The following SLC4A4 variants were observed in gnomAD, a reference collection of about 807,000 sequenced individuals.
The protein encoded by SLC4A4 is solute carrier family 4 member 4.
Under a neutral mutation model 111.5 loss-of-function variants are expected in SLC4A4, and 27 were observed. The ratio of observed to expected loss-of-function variants is 0.24; its 90% CI spans 0.18 to 0.33. The LOEUF (loss-of-function observed/expected upper bound fraction) is 0.33. Among genes scored for constraint, SLC4A4 ranks in the 10% least tolerant of loss-of-function variants. SLC4A4 has a pLI of 1.00. For missense variants in SLC4A4, 909 were observed against 1,315.5 expected, an observed-to-expected ratio of 0.69 and a Z score of 4.78; for synonymous variants, 443 against 463.4, an observed-to-expected ratio of 0.96 and a Z score of 0.57.
At chr4:71,229,248 T>C (rs955811050) in intron 1 of SLC4A4, among the ~76,000 whole-genome samples, 15 of 152,198 alleles carry the variant, frequency 9.9e-5, no homozygotes, top group Admixed American at 7.9e-4. Context: ...TTGTTCATTT[T>C]TCTTGCTAAG....
At chr4:71,218,480 G>T (rs967710155) in intron 1 of SLC4A4, among the ~76,000 whole-genome samples, 1 of 152,110 alleles carries the variant, frequency 6.6e-6, no homozygotes, top group Non-Finnish European at 1.5e-5. Flanking sequence ...AACTCAAAAT[G>T]TATTTCACTG....
chr4:71,285,129 C>T (rs1723808230), intron 3 of SLC4A4, among the ~76,000 whole-genome samples: 1 of 152,180 alleles, frequency 6.6e-6, no homozygotes, highest in African/African-American at 2.4e-5. Context: ...TTATGTGCTC[C>T]ATGGTGACCA....
chr4:71,074,062 G>A (rs950519253), intron 1 of SLC4A4, among the ~76,000 whole-genome samples: 9 of 152,132 alleles, frequency 5.9e-5, no homozygotes, highest in African/African-American at 2.2e-4. Flanking sequence ...CAGGAAAGGT[G>A]CTACTATAAG....
chr4:71,405,461 C>T (rs905992099), intron 7 of SLC4A4, among the ~76,000 whole-genome samples: 6 of 151,918 alleles, frequency 3.9e-5, no homozygotes, highest in Admixed American at 1.3e-4. Context: ...ATATATGAAT[C>T]GTATTTTATT....
intron 2 of SLC4A4, among the ~76,000 whole-genome samples, chr4:71,247,302 T>A (rs1720746200): frequency 6.7e-6 from 1 of 148,190 alleles, no homozygotes; most frequent in Admixed American, 6.8e-5. Flanking sequence ...ATATGTAATA[T>A]TTTGCATATA....
intron 3 of SLC4A4, among the ~76,000 whole-genome samples, chr4:71,317,342 A>C: frequency 6.6e-6 from 1 of 152,166 alleles, no homozygotes; most frequent in East Asian, 1.9e-4. Context: ...ATAACTCCCA[A>C]AGTTAGAACT....
chr4:71,101,379 ACATT>A (rs1190324177), intron 2 of SLC4A4, among the ~76,000 whole-genome samples: 1 of 152,252 alleles, frequency 6.6e-6, no homozygotes, highest in Non-Finnish European at 1.5e-5. Flanking sequence ...AACTACATTG[ACATT>A]CAAACAAATG....
At chr4:71,543,957 C>G (rs1037075313) in intron 18 of SLC4A4, among the ~76,000 whole-genome samples, 1 of 151,916 alleles carries the variant, frequency 6.6e-6, no homozygotes, top group African/African-American at 2.4e-5. Flanking sequence ...TATATGCATG[C>G]TATTTTTCCT....
At chr4:71,156,941 T>G (rs1010704879) in intron 2 of SLC4A4, among the ~76,000 whole-genome samples, 9 of 152,196 alleles carry the variant, frequency 5.9e-5, no homozygotes, top group Non-Finnish European at 1.2e-4. Flanking sequence ...TTTTTATTAG[T>G]TATTCTAAAT....
In SLC4A4 at chr4:71,255,207, G is replaced by A; in HGVS notation, c.74-13G>A. 6.2e-7 allele frequency: 1 copy of A among 1,612,724 alleles called. No homozygotes were observed. The highest frequency in any genetic ancestry group is 8.5e-7 in the Non-Finnish European group (1 of 1,178,940). ...TGGTTTGAACTGACTGGTGATTTGTGTACCTTCCTTAGGCCACCATACCAT... is the reference window on the plus strand; with the variant it reads ...TGGTTTGAACTGACTGGTGATTTGTATACCTTCCTTAGGCCACCATACCAT... On this transcript the variant is annotated splice_polypyrimidine_tract_variant and intron_variant, in intron 2 of 25. Transcript: ENST00000264485.
chr4:71,458,074 A>G (rs1411350672), intron 12 of SLC4A4, among the ~76,000 whole-genome samples: 3 of 152,110 alleles, frequency 2.0e-5, no homozygotes, highest in African/African-American at 7.2e-5. Context: ...ACCCATTCAT[A>G]TGGATGGGCC....
chr4:71,185,931 A>G (rs1487567949), upstream of SLC4A4, among the ~76,000 whole-genome samples: 4 of 152,232 alleles, frequency 2.6e-5, no homozygotes, highest in South Asian at 6.2e-4. Context: ...GTCCACATAC[A>G]CATTACATAT....
intron 13 of SLC4A4, among the ~76,000 whole-genome samples, chr4:71,469,773 T>C (rs1271710464): frequency 2.0e-5 from 3 of 151,964 alleles, no homozygotes; most frequent in African/African-American, 4.8e-5. Context: ...GTGCCATTGG[T>C]TTTATTGACT....
chr4:71,267,324 G>A (rs974912122), intron 3 of SLC4A4, among the ~76,000 whole-genome samples: 14 of 152,086 alleles, frequency 9.2e-5, no homozygotes, highest in African/African-American at 3.4e-4. Context: ...TTATGCTTGA[G>A]TTGAGATCTG....
At chr4:71,169,799 C>A (rs977568864) in intron 2 of SLC4A4, among the ~76,000 whole-genome samples, 6 of 152,104 alleles carry the variant, frequency 3.9e-5, no homozygotes, top group Admixed American at 3.3e-4. Flanking sequence ...GAATGAACTT[C>A]CCGGATTCTA....
At chr4:71,515,349 T>A (rs868260523) in intron 16 of SLC4A4, among the ~76,000 whole-genome samples, 4 of 152,314 alleles carry the variant, frequency 2.6e-5, no homozygotes, top group Non-Finnish European at 5.9e-5. Context: ...GTTGATATGA[T>A]TTTCATTTTG....
upstream of SLC4A4, among the ~76,000 whole-genome samples, chr4:71,183,862 G>A (rs1578561192): frequency 6.6e-6 from 1 of 152,140 alleles, no homozygotes; most frequent in Non-Finnish European, 1.5e-5. Flanking sequence ...AGTCTTTGAC[G>A]TTTATAGTAA....
At chr4:71,334,701 T>C (rs188911811) in intron 3 of SLC4A4, among the ~76,000 whole-genome samples, 10 of 152,320 alleles carry the variant, frequency 6.6e-5, no homozygotes. Flanking sequence ...TGAAAGGGGT[T>C]AGGCATGGTA....
At chr4:71,114,487 A>G (rs955379706) in intron 2 of SLC4A4, among the ~76,000 whole-genome samples, 3 of 149,894 alleles carry the variant, frequency 2.0e-5, no homozygotes, top group Non-Finnish European at 4.4e-5. Context: ...ACAAATTTAC[A>G]AGAAAAAAAC....
Sources: allele counts gnomAD v4.1 joint callset (sites outside exome capture counted in the v4.1 genomes callset), GRCh38; gene constraint gnomAD v4.1.1; transcripts MANE v1.5; gene names NCBI Gene and HGNC (gene_info 2026-07-23, HGNC 2026-07-21).